Variants in ZC2HC1B observed in about 807,000 individuals in gnomAD.
The protein encoded by ZC2HC1B is zinc finger C2HC domain-containing protein 1B.
A neutral mutation model predicts 31.0 loss-of-function variants in ZC2HC1B; 36 were observed. That is an observed-to-expected ratio of 1.16 (90% CI 0.89 to 1.54). The LOEUF (loss-of-function observed/expected upper bound fraction) is 1.54. Ranked by LOEUF, ZC2HC1B falls within the 40% of genes most tolerant of loss-of-function variation. ZC2HC1B has a pLI of 0.00. For synonymous variants in ZC2HC1B, 73 were observed against 88.0 expected (o/e 0.83, Z 0.95); for missense variants, 260 against 268.6 (o/e 0.97, Z 0.22).
At chr6:143,901,066 T>C (rs1777732118) in intron 5 of ZC2HC1B, among the ~76,000 whole-genome samples, 1 of 151,636 alleles carries the variant, frequency 6.6e-6, no homozygotes, top group East Asian at 2.0e-4. Flanking sequence ...CACAAACCCC[T>C]GACCTCAAGT....
chr6:143,887,216 A>G lies in ZC2HC1B; in HGVS notation c.349+395A>G, dbSNP rs907605726. Among the ~76,000 whole-genome samples, 36 of 152,282 alleles carry G rather than the reference A, an allele frequency of 2.4e-4. No individual in the cohort carries two copies. The highest frequency in any genetic ancestry group is 7.0e-4 in the African/African-American group (29 of 41,564). On this transcript the variant is annotated intron_variant, in intron 4 of 7. Transcript: ENST00000237275. The surrounding 1 kb of genome is among the most constrained non-coding windows in gnomAD (Gnocchi z 5.1). ...TAGCATTTTAACCATTTGAAGCTGT[A>G]CAATTTAGTACCCACAGCTTTTTTT...
chr6:143,930,591 G>A (rs9496820), intron 6 of ZC2HC1B, among the ~76,000 whole-genome samples: 101,692 of 151,658 alleles, frequency 0.67, 35,036 homozygotes, highest in African/African-American at 0.83. Flanking sequence ...GGATTTCACC[G>A]TGGTCTCGAT....
intron 6 of ZC2HC1B, among the ~76,000 whole-genome samples, chr6:143,935,646 CTTTTT>C (rs759896830): frequency 0.017 from 951 of 55,684 alleles, 9 homozygotes; most frequent in African/African-American, 0.061. Context: ...TGGTATCACT[CTTTTT>C]TTTTTTTTTT....
intron 6 of ZC2HC1B, among the ~76,000 whole-genome samples, chr6:143,925,907 A>C (rs1302227898): frequency 6.6e-6 from 1 of 152,158 alleles, no homozygotes; most frequent in Non-Finnish European, 1.5e-5. Context: ...ATTTGTTAGC[A>C]TATAGTTCTT....
chr6:143,909,884 G>A (rs759785792), intron 6 of ZC2HC1B, among the ~76,000 whole-genome samples: 2 of 151,576 alleles, frequency 1.3e-5, no homozygotes, highest in Non-Finnish European at 1.5e-5. Flanking sequence ...TTTTTTGAAG[G>A]GTTTTGTTTT....
chr6:143,899,135 A>G lies in ZC2HC1B; in HGVS notation c.489+444A>G, dbSNP rs1274210161. 6.6e-6 allele frequency among the ~76,000 whole-genome samples: 1 copy of G among 152,232 alleles called. No individual in the cohort carries two copies. The highest frequency in any genetic ancestry group is 1.9e-4 in the East Asian group (1 of 5,196). Reference sequence around the variant, plus strand: ...ACCTTTTATTTAAAGTCACAGAATCAGCAAGTTAAAGGGATATGTGGATGA... The same window carrying G: ...ACCTTTTATTTAAAGTCACAGAATCGGCAAGTTAAAGGGATATGTGGATGA... On this transcript the variant is annotated intron_variant, in intron 5 of 7. Coordinates refer to ENST00000237275, the MANE Select transcript of ZC2HC1B (RefSeq NM_001013623.3). This position sits in a 1 kb window ranked among gnomAD's most constrained non-coding sequence, Gnocchi z 5.0.
intron 4 of ZC2HC1B, among the ~76,000 whole-genome samples, chr6:143,894,085 A>G (rs1777634266): frequency 6.6e-6 from 1 of 152,272 alleles, no homozygotes; most frequent in Non-Finnish European, 1.5e-5. Context: ...TCCATAAAAA[A>G]GATTTACATG....
rs140981630 is a variant in ZC2HC1B at position 143,913,421 on chromosome 6, C to T, written c.598+10269C>T. Among the ~76,000 whole-genome samples, 9 of 152,326 alleles carry T rather than the reference C, an allele frequency of 5.9e-5. No homozygotes were observed. Among genetic ancestry groups the T allele is most frequent in the Non-Finnish European group, 7.4e-5 (5 of 68,026 alleles). ...GCTCCATCCTGTCTCAGGCAGGCTC[C>T]GCCCTGTTGCTGATGGCTTACTGGA... is the stretch of plus-strand genomic sequence containing the variant. On this transcript the variant is annotated intron_variant, in intron 6 of 7. Coordinates refer to ENST00000237275, the MANE Select transcript of ZC2HC1B (RefSeq NM_001013623.3). This position sits in a 1 kb window ranked among gnomAD's most constrained non-coding sequence, Gnocchi z 5.7.
In ZC2HC1B at chr6:143,924,772, T is replaced by G. The variant is rs1391118692; in HGVS notation, c.599-12877T>G. On this transcript the variant is annotated intron_variant, in intron 6 of 7. Coordinates refer to ENST00000237275, the MANE Select transcript of ZC2HC1B (RefSeq NM_001013623.3). The surrounding 1 kb of genome is among the most constrained non-coding windows in gnomAD (Gnocchi z 5.2). ...TTCTCTGTCTCTTGAAATGATCATA[T>G]TGTTTTTGTCTTTCATTCTGTTGTT... is the stretch of plus-strand genomic sequence containing the variant. 6.6e-6 allele frequency among the ~76,000 whole-genome samples: 1 copy of G among 152,226 alleles called. No individual in the cohort carries two copies. Among genetic ancestry groups the G allele is most frequent in the Non-Finnish European group, 1.5e-5 (1 of 68,032 alleles).
intron 6 of ZC2HC1B, among the ~76,000 whole-genome samples, chr6:143,907,908 T>TG (rs1562344460): frequency 6.6e-6 from 1 of 152,226 alleles, no homozygotes; most frequent in African/African-American, 2.4e-5. Context: ...TTCTAGTTTT[T>TG]GGGCTTTACA....
rs1778009921 is a variant in ZC2HC1B at position 143,924,085 on chromosome 6, A to G, written c.599-13564A>G. Among the ~76,000 whole-genome samples the G allele has an allele frequency of 6.6e-6, 1 of 152,024 alleles. No homozygotes were observed. The highest frequency in any genetic ancestry group is 1.9e-4 in the East Asian group (1 of 5,196). The stretch of plus-strand genomic sequence containing the variant: ...AATTCTTCTGAGTCATGAGCATGGG[A>G]TATCTTTCCATTTGTTTGTGTCCTC... On this transcript the variant is annotated intron_variant, in intron 6 of 7. Coordinates refer to ENST00000237275, the MANE Select transcript of ZC2HC1B (RefSeq NM_001013623.3). This position sits in a 1 kb window ranked among gnomAD's most constrained non-coding sequence, Gnocchi z 5.2.
rs1378326464 is a variant in ZC2HC1B at position 143,872,788 on chromosome 6, G to A, written c.28+8221G>A. Among the ~76,000 whole-genome samples the A allele has an allele frequency of 6.6e-6, 1 of 152,094 alleles. No individual in the cohort carries two copies. The highest frequency in any genetic ancestry group is 1.5e-5 in the Non-Finnish European group (1 of 68,020). ...TCAATCACTATCATAAGAATAGCAT[G>A]GGAAAGACCGGCCCCCATTTAGTTA... On this transcript the variant is annotated intron_variant, in intron 1 of 7. Transcript: ENST00000237275. The surrounding 1 kb of genome is among the most constrained non-coding windows in gnomAD (Gnocchi z 5.5).
chr6:143,904,474 A>G (rs116426949), intron 6 of ZC2HC1B, among the ~76,000 whole-genome samples: 2,460 of 152,112 alleles, frequency 0.016, 73 homozygotes, highest in African/African-American at 0.057. Context: ...TGATCCTCCC[A>G]CCTCAGCCTC....
At chr6:143,900,408 A>G (rs1426322029) in intron 5 of ZC2HC1B, among the ~76,000 whole-genome samples, 1 of 151,790 alleles carries the variant, frequency 6.6e-6, no homozygotes, top group Non-Finnish European at 1.5e-5. Context: ...AAAAAAAAGA[A>G]AAAGAAAAGA....
At chr6:143,877,490 T>A (rs993618430) in intron 1 of ZC2HC1B, among the ~76,000 whole-genome samples, 1 of 149,316 alleles carries the variant, frequency 6.7e-6, no homozygotes, top group Non-Finnish European at 1.5e-5. Flanking sequence ...TCCATGTTGG[T>A]CAGGCTGGTC....
intron 1 of ZC2HC1B, among the ~76,000 whole-genome samples, chr6:143,867,823 T>G (rs183665982): frequency 1.2e-4 from 19 of 152,320 alleles, no homozygotes; most frequent in Admixed American, 3.3e-4. Context: ...GCTCTTTGGT[T>G]GTTGTGCCCA....
chr6:143,936,089 G>C (rs527627392), intron 6 of ZC2HC1B, among the ~76,000 whole-genome samples: 1 of 152,050 alleles, frequency 6.6e-6, no homozygotes, highest in Non-Finnish European at 1.5e-5. Flanking sequence ...TTAGTATCTT[G>C]TACCTCCCAC....
intron 5 of ZC2HC1B, among the ~76,000 whole-genome samples, chr6:143,900,948 C>T (rs1777730344): frequency 6.7e-6 from 1 of 149,544 alleles, no homozygotes; most frequent in East Asian, 2.0e-4. Flanking sequence ...AAGCGATTCT[C>T]CGGCCTCAGC....
chr6:143,874,259 C>T (rs1777380842), intron 1 of ZC2HC1B, among the ~76,000 whole-genome samples: 1 of 152,190 alleles, frequency 6.6e-6, no homozygotes, highest in Admixed American at 6.5e-5. Flanking sequence ...TCAACCTGGA[C>T]CTTATTGTTC....
Sources: gnomAD v4.1 joint callset for allele counts (sites outside exome capture counted in the v4.1 genomes callset) on GRCh38, gnomAD v4.1.1 for gene constraint, Gnocchi (gnomAD v3.1) non-coding constraint, MANE v1.5 for transcripts, NCBI Gene and HGNC (gene_info 2026-07-23, HGNC 2026-07-21) for gene names.